The following RCAN2 variants were observed in gnomAD, a reference collection of about 807,000 sequenced individuals.
RCAN2 encodes the protein regulator of calcineurin 2, also known as calcipressin-2.
RCAN2 carries 9 observed loss-of-function variants against 23.6 expected under a neutral mutation model. The ratio of observed to expected loss-of-function variants is 0.38; its 90% CI spans 0.23 to 0.67. The LOEUF is 0.67. Among genes scored for constraint, RCAN2 ranks in the 30% least tolerant of loss-of-function variants. The pLI, the probability that RCAN2 is intolerant of heterozygous loss-of-function variation, is 0.51. For synonymous variants in RCAN2, 109 were observed against 115.7 expected, an observed-to-expected ratio of 0.94 and a Z score of 0.37; for missense variants, 273 against 302.3, an observed-to-expected ratio of 0.90 and a Z score of 0.72.
chr6:46,318,575 A>G (rs569374368), intron 2 of RCAN2, among the ~76,000 whole-genome samples: 18 of 152,236 alleles, frequency 1.2e-4, no homozygotes, highest in African/African-American at 4.3e-4. Context: ...GTTTCTATTC[A>G]ACTCACTTGC....
intron 2 of RCAN2, among the ~76,000 whole-genome samples, chr6:46,408,734 T>A (rs202139417): frequency 6.6e-6 from 1 of 152,026 alleles, no homozygotes; most frequent in African/African-American, 2.4e-5. Context: ...AATAATAATT[T>A]AAAAAAAACT....
At chr6:46,305,168 A>G (rs1763023364) in intron 2 of RCAN2, among the ~76,000 whole-genome samples, 1 of 152,100 alleles carries the variant, frequency 6.6e-6, no homozygotes, top group South Asian at 2.1e-4. Flanking sequence ...TTCTCCGCGG[A>G]CACAAAGGCA....
intron 2 of RCAN2, among the ~76,000 whole-genome samples, chr6:46,354,111 T>C (rs1764750052): frequency 6.6e-6 from 1 of 152,174 alleles, no homozygotes; most frequent in Non-Finnish European, 1.5e-5. Context: ...ACTTTAATCC[T>C]GCAATGTTAT....
At chr6:46,298,702 A>C (rs1762801640) in intron 2 of RCAN2, among the ~76,000 whole-genome samples, 1 of 152,074 alleles carries the variant, frequency 6.6e-6, no homozygotes, top group African/African-American at 2.4e-5. Flanking sequence ...CAGTGTGGAG[A>C]TTTGTCAAGG....
At chr6:46,410,517 A>G (rs1034139086) in intron 2 of RCAN2, among the ~76,000 whole-genome samples, 5 of 152,202 alleles carry the variant, frequency 3.3e-5, no homozygotes, top group Non-Finnish European at 7.3e-5. Flanking sequence ...AGTATTTGAC[A>G]TCGTCTTTCT....
chr6:46,477,234 A>G (rs1768740224), intron 1 of RCAN2, among the ~76,000 whole-genome samples: 1 of 152,178 alleles, frequency 6.6e-6, no homozygotes. Context: ...CTAACAGCTT[A>G]TTTACCCGAC....
intron 2 of RCAN2, among the ~76,000 whole-genome samples, chr6:46,292,888 G>A (rs1033073006): frequency 5.0e-4 from 76 of 151,772 alleles, no homozygotes; most frequent in African/African-American, 1.7e-3. Context: ...CCACCCCCAC[G>A]ACAGGCCTTG....
At chr6:46,458,963 C>A (rs988772654) in intron 1 of RCAN2, among the ~76,000 whole-genome samples, 1 of 152,252 alleles carries the variant, frequency 6.6e-6, no homozygotes, top group African/African-American at 2.4e-5. Flanking sequence ...GCAATCTTGG[C>A]TCACTGCAAC....
chr6:46,277,662 G>T (rs1767761495), intron 2 of RCAN2, among the ~76,000 whole-genome samples: 1 of 151,446 alleles, frequency 6.6e-6, no homozygotes, highest in Admixed American at 6.6e-5. Flanking sequence ...AACAGTTCCT[G>T]CACCCCCTTT....
intron 2 of RCAN2, among the ~76,000 whole-genome samples, chr6:46,249,848 T>C (rs188680500): frequency 2.4e-4 from 37 of 152,176 alleles, no homozygotes; most frequent in Non-Finnish European, 4.6e-4. Context: ...AGTGGCTGTA[T>C]GAAGCAGAAA....
intron 2 of RCAN2, among the ~76,000 whole-genome samples, chr6:46,267,435 C>T (rs984082879): frequency 6.6e-6 from 1 of 152,184 alleles, no homozygotes; most frequent in Non-Finnish European, 1.5e-5. Flanking sequence ...AATCCCAGCA[C>T]TCTGGGAGGC....
chr6:46,387,473 A>G (rs1441245996), intron 2 of RCAN2, among the ~76,000 whole-genome samples: 1 of 152,228 alleles, frequency 6.6e-6, no homozygotes, highest in African/African-American at 2.4e-5. Context: ...AAAAGATGAC[A>G]TTTATGCAGC....
chr6:46,330,756 T>C (rs1286964917), intron 2 of RCAN2, among the ~76,000 whole-genome samples: 6 of 152,252 alleles, frequency 3.9e-5, no homozygotes, highest in Non-Finnish European at 8.8e-5. Flanking sequence ...CATTTCTTTT[T>C]CTAATTCCTT....
intron 2 of RCAN2, among the ~76,000 whole-genome samples, chr6:46,284,000 G>A (rs1162763452): frequency 6.6e-6 from 1 of 152,030 alleles, no homozygotes; most frequent in African/African-American, 2.4e-5. Flanking sequence ...GGTGCCAGAT[G>A]GTTTAGAAAA....
At chr6:46,340,883 A>C (rs2150372586) in intron 2 of RCAN2, among the ~76,000 whole-genome samples, 1 of 152,368 alleles carries the variant, frequency 6.6e-6, no homozygotes, top group African/African-American at 2.4e-5. Context: ...GAATCCTTGA[A>C]GGAAAACTTT....
intron 2 of RCAN2, among the ~76,000 whole-genome samples, chr6:46,343,858 C>G (rs1764406564): frequency 6.6e-6 from 1 of 152,114 alleles, no homozygotes; most frequent in Admixed American, 6.5e-5. Flanking sequence ...TGAATGCTCT[C>G]CAACTGGTGA....
intron 2 of RCAN2, among the ~76,000 whole-genome samples, chr6:46,274,442 A>AT (rs1253461929): frequency 6.6e-6 from 1 of 152,224 alleles, no homozygotes; most frequent in Admixed American, 6.5e-5. Flanking sequence ...CAAAGAGAAG[A>AT]TAAAAATTCT....
At chr6:46,458,898 T>C (rs9381452) in intron 1 of RCAN2, among the ~76,000 whole-genome samples, 6,240 of 111,600 alleles carry the variant, frequency 0.056, 397 homozygotes, top group African/African-American at 0.16. Flanking sequence ...CGCGCGCACG[T>C]GTGTGTGTGT....
chr6:46,352,769 G>C (rs1490829589), intron 2 of RCAN2, among the ~76,000 whole-genome samples: 1 of 151,958 alleles, frequency 6.6e-6, no homozygotes, highest in African/African-American at 2.4e-5. Context: ...AGGAATCAGG[G>C]GAAAAAAAGG....
Sources: gnomAD v4.1 joint callset for allele counts (sites outside exome capture counted in the v4.1 genomes callset) on GRCh38, gnomAD v4.1.1 for gene constraint, MANE v1.5 for transcripts, NCBI Gene and HGNC (gene_info 2026-07-23, HGNC 2026-07-21) for gene names.